The following RNF123 variants were observed in gnomAD, a reference collection of about 807,000 sequenced individuals.
The protein encoded by RNF123 is ring finger protein 123, also known as E3 ubiquitin-protein ligase RNF123.
Under a neutral mutation model 168.5 loss-of-function variants are expected in RNF123, and 86 were observed. That is an observed-to-expected ratio of 0.51 (90% CI 0.43 to 0.61). The LOEUF (loss-of-function observed/expected upper bound fraction) is 0.61. Ranked by LOEUF, RNF123 falls within the 20% of genes least tolerant of loss-of-function variation. RNF123 has a pLI of 0.00. For synonymous variants in RNF123, 666 were observed against 689.1 expected (o/e 0.97, Z 0.52); for missense variants, 1,419 against 1,729.7 (o/e 0.82, Z 3.19).
chr3:49,701,901 C>T lies in RNF123; in HGVS notation c.1486C>T (p.Arg496Cys), dbSNP rs769404265. The change falls in exon 17 of 39, where the codon CGC (arginine) becomes TGC (cysteine). Residue 496 changes from arginine to cysteine, a missense_variant. This residue lies in a region of RNF123 where 349 missense variants were observed against 344.9 expected (regional missense o/e 1.01). Transcript: ENST00000327697. ...YERGCQRLRK[R>C]IEVVEELQVQ... ...ACGGGGCTGTCAGCGGCTCAGGAAG[C>T]GCATCGAAGGTCAGCCCGCCTTGGG... is the stretch of plus-strand genomic sequence containing the variant. 2.9e-5 allele frequency: 46 copies of T among 1,560,832 alleles called. No homozygotes were observed. Among genetic ancestry groups the T allele is most frequent in the Non-Finnish European group, 3.6e-5 (41 of 1,152,158 alleles).
At chr3:49,711,345 C>A (rs1484436788) in intron 26 of RNF123, among the ~76,000 whole-genome samples, 4 of 152,146 alleles carry the variant, frequency 2.6e-5, no homozygotes, top group African/African-American at 4.8e-5. Context: ...GCTGCTACAT[C>A]TTCCCCTTCA....
chr3:49,719,602 G>T, intron 35 of RNF123: 2 of 724,060 alleles, frequency 2.8e-6, no homozygotes, highest in South Asian at 1.9e-5. Context: ...CTTGCCAGCC[G>T]ACGGCCCCTA....
At chr3:49,708,958 T>A (rs1180418972) in intron 26 of RNF123, among the ~76,000 whole-genome samples, 1 of 152,156 alleles carries the variant, frequency 6.6e-6, no homozygotes, top group Non-Finnish European at 1.5e-5. Context: ...TTTTATTTTA[T>A]TTTTAATTTT....
intron 18 of RNF123, 95 bp downstream of exon 18, chr3:49,702,239 C>T (rs2054417034): frequency 1.3e-6 from 2 of 1,591,520 alleles, no homozygotes; most frequent in Non-Finnish European, 1.7e-6. Flanking sequence ...GTTTGGTTCC[C>T]ATGGCAGGGG....
At position 49,705,996 on chromosome 3, in the gene RNF123, C is replaced by T. The variant is rs2108190140; in HGVS notation, c.2319C>T (p.Ser773=). 9.9e-6 allele frequency: 16 copies of T among 1,613,996 alleles called. No individual in the cohort carries two copies. The highest frequency in any genetic ancestry group is 1.3e-5 in the African/African-American group (1 of 75,034). The change falls in exon 25 of 39, where the codon TCC becomes TCT. Residue 773 remains serine (S), a synonymous_variant. Coordinates refer to ENST00000327697, the MANE Select transcript of RNF123 (RefSeq NM_022064.5). The stretch of plus-strand genomic sequence containing the variant: ...ATGCTGTGTAGATGGTGGGTGTCTC[C>T]GATGATGTCAATGAATACGCTATGG... ...HQQLGKMVGV[S]DDVNEYAMAL...
chr3:49,690,135 T>A (rs2054105365), intron 1 of RNF123, among the ~76,000 whole-genome samples: 1 of 150,882 alleles, frequency 6.6e-6, no homozygotes, highest in South Asian at 2.1e-4. Context: ...AGAGGGTCTG[T>A]TTGGGGTGAG....
intron 35 of RNF123, chr3:49,719,822 A>T (rs2080354006): frequency 4.1e-6 from 1 of 244,076 alleles, no homozygotes; most frequent in South Asian, 1.1e-4. Context: ...ATGGGGAGCA[A>T]GGCCAACCCC....
intron 15 of RNF123, 90 bp downstream of exon 15, chr3:49,700,799 G>A: frequency 7.1e-7 from 1 of 1,399,640 alleles, no homozygotes; most frequent in Non-Finnish European, 1.0e-6. Flanking sequence ...CAGGCCAGGG[G>A]TCCCCTGGGA....
chr3:49,693,663 T>C (rs185283000), intron 3 of RNF123, among the ~76,000 whole-genome samples: 15 of 152,282 alleles, frequency 9.9e-5, no homozygotes, highest in Admixed American at 3.3e-4. Context: ...GACCAATTTT[T>C]AGTTTTTTGA....
rs1290696201 is a variant in RNF123 at position 49,704,994 on chromosome 3, A to G, written c.1970A>G (p.Gln657Arg). The change falls in exon 23 of 39, where the codon CAG becomes CGG. Residue 657 changes from glutamine to arginine, a missense_variant. Gln to Arg is a conservative substitution (Grantham distance 43). Coordinates refer to ENST00000327697, the MANE Select transcript of RNF123 (RefSeq NM_022064.5). ...CTTTCTTCACTGCAGCGCCCCATGC[A>G]GGCCCTGGCTGTTGGGGGGCCACTG... Reference protein sequence around the residue: ...PAPAMAQRPMQALAVGGPLPL... With the variant: ...PAPAMAQRPMRALAVGGPLPL... The G allele has an allele frequency of 6.2e-7, 1 of 1,605,494 alleles. No individual in the cohort carries two copies. Among genetic ancestry groups the G allele is most frequent in the South Asian group, 1.1e-5 (1 of 89,706 alleles).
At chr3:49,703,589 C>A in intron 21 of RNF123, 61 bp downstream of exon 21, 1 of 1,391,872 alleles carries the variant, frequency 7.2e-7, no homozygotes, top group Non-Finnish European at 1.0e-6. Flanking sequence ...TGTCCCTGAG[C>A]CTGCTCTGCT....
At chr3:49,704,565 C>A in intron 21 of RNF123, 85 bp from the exon 22 acceptor site, 1 of 1,171,752 alleles carries the variant, frequency 8.5e-7, no homozygotes, top group Middle Eastern at 2.0e-4. Context: ...GCCCAGTGTG[C>A]TGGGCTCTCT....
chr3:49,696,073 C>G (rs1243007740), intron 3 of RNF123, among the ~76,000 whole-genome samples: 1 of 152,230 alleles, frequency 6.6e-6, no homozygotes, highest in Non-Finnish European at 1.5e-5. Flanking sequence ...ACAGACTCCC[C>G]TGGCTGGGTG....
intron 3 of RNF123, among the ~76,000 whole-genome samples, chr3:49,693,056 T>A (rs576555596): frequency 5.2e-4 from 77 of 147,196 alleles, no homozygotes; most frequent in Middle Eastern, 3.5e-3. Context: ...TTTTGAAAAA[T>A]TTTTTTTTTT....
chr3:49,717,783 T>C, intron 35 of RNF123: 2 of 745,332 alleles, frequency 2.7e-6, no homozygotes, highest in Non-Finnish European at 4.3e-6. Context: ...CCACAACCCC[T>C]GTCTCTACCA....
chr3:49,705,311 C>T, intron 23 of RNF123, 129 bp downstream of exon 23: 1 of 1,260,650 alleles, frequency 7.9e-7, no homozygotes, highest in Non-Finnish European at 1.1e-6. Flanking sequence ...CCCAGGAGTG[C>T]AGGAAGCACA....
At chr3:49,692,787 G>A (rs1379348132) in intron 3 of RNF123, among the ~76,000 whole-genome samples, 1 of 152,140 alleles carries the variant, frequency 6.6e-6, no homozygotes, top group Non-Finnish European at 1.5e-5. Flanking sequence ...CATCCATGTT[G>A]TTGCATATTA....
chr3:49,721,272 A>T lies in RNF123; in HGVS notation c.3912A>T (p.Gly1304=). 5.6e-6 allele frequency: 9 copies of T among 1,614,184 alleles called. No individual in the cohort carries two copies. Among genetic ancestry groups the T allele is most frequent in the Non-Finnish European group, 7.6e-6 (9 of 1,180,032 alleles). ...TGTCTGTAGAGGACTGGGAGAAGGG[A>T]GCCAATACGAGTACTACCTCCTCAG... ...TIVSVEDWEK[G]ANTSTTSSAA The change falls in exon 39 of 39, where the codon GGA becomes GGT. Residue 1304 remains glycine, a synonymous_variant. Coordinates refer to ENST00000327697, the MANE Select transcript of RNF123 (RefSeq NM_022064.5).
chr3:49,705,607 G>A lies in RNF123; in HGVS notation c.2232G>A (p.Glu744=). ...AGGAGCCTGAGCAGCCCCTCACCGAGAACTCGCTGCTGGAAGTCCTGGATG... is the reference window on the plus strand; with the variant it reads ...AGGAGCCTGAGCAGCCCCTCACCGAAAACTCGCTGCTGGAAGTCCTGGATG... ...PPEEPEQPLT[E]NSLLEVLDGA... The change falls in exon 24 of 39, where the codon GAG becomes GAA. Residue 744 remains glutamate, a synonymous_variant. Coordinates refer to ENST00000327697, the MANE Select transcript of RNF123 (RefSeq NM_022064.5). 3 of 1,613,880 alleles carry A rather than the reference G, an allele frequency of 1.9e-6. No homozygotes were observed. The highest frequency in any genetic ancestry group is 2.5e-6 in the Non-Finnish European group (3 of 1,179,906).
Sources: allele counts gnomAD v4.1 joint callset (sites outside exome capture counted in the v4.1 genomes callset), GRCh38; gene constraint gnomAD v4.1.1; regional missense constraint gnomAD v4.1.1; transcripts MANE v1.5; gene names NCBI Gene and HGNC (gene_info 2026-07-23, HGNC 2026-07-21).